The following NIPSNAP3B variants were observed in gnomAD, a reference collection of about 807,000 sequenced individuals.
NIPSNAP3B encodes nipsnap homolog 3B, also known as protein NipSnap homolog 3B.
A neutral mutation model predicts 31.5 loss-of-function variants in NIPSNAP3B; 30 were observed. That is an observed-to-expected ratio of 0.95 (90% confidence interval 0.71 to 1.29). NIPSNAP3B has a LOEUF of 1.29. Ranked by LOEUF, NIPSNAP3B falls within the 50% of genes most tolerant of loss-of-function variation. The pLI is 0.00. For missense variants in NIPSNAP3B, 269 were observed against 300.7 expected (o/e 0.89, Z 0.78); for synonymous variants, 106 against 107.9 (o/e 0.98, Z 0.11).
rs1828332296 is a variant in NIPSNAP3B, at chr9:104,776,160, T to G, written c.*3087T>G. ...TGATCTGTCCTGTTACATTTTCCAC[T>G]CTCGCTCCAGACCTGACCTAAGAGG... On this transcript the variant is annotated 3_prime_UTR_variant, in exon 6 of 6. Coordinates refer to ENST00000374762, the MANE Select transcript of NIPSNAP3B (RefSeq NM_018376.4). Among the ~76,000 whole-genome samples the G allele has an allele frequency of 6.6e-6, 1 of 152,172 alleles. No homozygotes were observed. Among genetic ancestry groups the G allele is most frequent in the South Asian group, 2.1e-4 (1 of 4,826 alleles).
the NIPSNAP3B span, chr9:104,786,523 A>G: frequency 8.4e-6 from 7 of 829,800 alleles, no homozygotes; most frequent in Non-Finnish European, 1.4e-5. Flanking sequence ...TATAGGGATG[A>G]TGCTGTTCAG....
chr9:104,785,119 C>T, the NIPSNAP3B span, among the ~76,000 whole-genome samples: 3 of 152,150 alleles, frequency 2.0e-5, no homozygotes, highest in African/African-American at 7.2e-5. Flanking sequence ...TAGGATTAGG[C>T]ACCAAGTAAA....
the NIPSNAP3B span, chr9:104,788,073 C>A: frequency 6.2e-7 from 1 of 1,613,584 alleles, no homozygotes; most frequent in Non-Finnish European, 8.5e-7. Flanking sequence ...ATAAAAAGCA[C>A]CTTGACTTTG....
chr9:104,781,978 G>C (rs1250072782), downstream of NIPSNAP3B: 1 of 152,096 alleles, frequency 6.6e-6, no homozygotes, highest in African/African-American at 2.4e-5. Flanking sequence ...CTTCAGAAGA[G>C]GTCCTTTCAA....
chr9:104,788,498 C>T, the NIPSNAP3B span: 5 of 1,614,186 alleles, frequency 3.1e-6, no homozygotes, highest in Non-Finnish European at 3.4e-6. Flanking sequence ...CAGTCAACAG[C>T]TCTGTGATGG....
chr9:104,787,290 C>T, the NIPSNAP3B span, among the ~76,000 whole-genome samples: 1 of 151,404 alleles, frequency 6.6e-6, no homozygotes, highest in Non-Finnish European at 1.5e-5. Flanking sequence ...TAAGTATATA[C>T]AAAACAACTT....
At chr9:104,785,618 T>C in the NIPSNAP3B span, 1 of 1,613,950 alleles carries the variant, frequency 6.2e-7, no homozygotes, top group African/African-American at 1.3e-5. Context: ...TTCGTACAAC[T>C]ATTGTATAAC....
Position 104,773,210 on chromosome 9 carries a change from C to T in NIPSNAP3B, c.*137C>T. The T allele has an allele frequency of 1.2e-6, 1 of 821,220 alleles. No individual in the cohort carries two copies. 50.9% of individuals were successfully genotyped at this position (821,220 alleles called of 1,614,324 possible). A position where few individuals can be genotyped will look rare whatever the true frequency, so the allele number is the denominator to read the frequency against. The stretch of plus-strand genomic sequence containing the variant: ...ATTAGTTAATTTGCTGTGCTTCTTG[C>T]ATTTTTGAAAGTTACATATTCTCCA... On this transcript the variant is annotated 3_prime_UTR_variant, in exon 6 of 6. Coordinates refer to ENST00000374762, the MANE Select transcript of NIPSNAP3B (RefSeq NM_018376.4).
the NIPSNAP3B span, chr9:104,784,501 C>T: frequency 1.6e-5 from 26 of 1,611,746 alleles, no homozygotes; most frequent in East Asian, 8.9e-5. Context: ...ACTCAACTTG[C>T]TCATTCTTTA....
chr9:104,785,340 T>A, the NIPSNAP3B span: 1 of 1,608,588 alleles, frequency 6.2e-7, no homozygotes, highest in Non-Finnish European at 8.5e-7. Context: ...GGCGGGAGTG[T>A]CGGGGCAGGA....
At chr9:104,786,250 A>G in the NIPSNAP3B span, 1 of 1,435,672 alleles carries the variant, frequency 7.0e-7, no homozygotes, top group Non-Finnish European at 9.8e-7. Context: ...AAGAATAAAT[A>G]TCAAGCCTTC....
the NIPSNAP3B span, chr9:104,785,517 A>G: frequency 6.2e-7 from 1 of 1,614,196 alleles, no homozygotes; most frequent in South Asian, 1.1e-5. Context: ...GTATTGTAGC[A>G]TGTTCCGGTG....
At chr9:104,790,798 T>C in the NIPSNAP3B span, 1 of 715,358 alleles carries the variant, frequency 1.4e-6, no homozygotes, top group African/African-American at 1.8e-5. Flanking sequence ...CTTTACCCTT[T>C]ACTATATTTC....
intron 1 of NIPSNAP3B, 127 bp downstream of exon 1, chr9:104,764,427 C>A: frequency 1.3e-6 from 1 of 749,284 alleles, no homozygotes; most frequent in Non-Finnish European, 2.0e-6. Context: ...CGCCGAAGTT[C>A]TAACGCGGTC....
At position 104,773,401 on chromosome 9, in the gene NIPSNAP3B, TA is replaced by T. The variant is rs1421333049; in HGVS notation, c.*330del. 1 of 189,538 alleles carries T rather than the reference TA, an allele frequency of 5.3e-6. No individual in the cohort carries two copies. Among genetic ancestry groups the T allele is most frequent in the African/African-American group, 2.3e-5 (1 of 42,616 alleles). The allele number at this position is 189,538 out of a possible 1,614,324, so 11.7% of individuals were successfully genotyped here. A position where few individuals can be genotyped will look rare whatever the true frequency, so the allele number is the denominator to read the frequency against. ...TTTATAGCATTTTCTTTTACTCAAA[TA>T]AGGATTTTACATTTCCTTGCCTGAC... is the stretch of plus-strand genomic sequence containing the variant. On this transcript the variant is annotated 3_prime_UTR_variant, in exon 6 of 6. Coordinates refer to ENST00000374762, the MANE Select transcript of NIPSNAP3B (RefSeq NM_018376.4).
At chr9:104,782,417 TTC>T (rs1397632703), downstream of NIPSNAP3B, 1 of 152,104 alleles carries the variant, frequency 6.6e-6, no homozygotes, top group Admixed American at 6.5e-5. Flanking sequence ...AATATTCAAA[TTC>T]TGGAAAAAGT....
At position 104,775,395 on chromosome 9, in the gene NIPSNAP3B, T is replaced by C. The variant is rs567483918; in HGVS notation, c.*2322T>C. Among the ~76,000 whole-genome samples the C allele has an allele frequency of 1.1e-4, 16 of 152,210 alleles. No homozygotes were observed. Among genetic ancestry groups the C allele is most frequent in the African/African-American group, 3.9e-4 (16 of 41,544 alleles). On this transcript the variant is annotated 3_prime_UTR_variant, in exon 6 of 6. Coordinates refer to ENST00000374762, the MANE Select transcript of NIPSNAP3B (RefSeq NM_018376.4). Reference sequence around the variant, plus strand: ...TGTTAGCAGTTGACCTCTCCTTTCTTCTGGGAAGTTTCTTCGTTTCTCCGA... The same window carrying C: ...TGTTAGCAGTTGACCTCTCCTTTCTCCTGGGAAGTTTCTTCGTTTCTCCGA...
chr9:104,770,283 T>G lies in NIPSNAP3B; in HGVS notation c.431-566T>G, dbSNP rs1429238768. Among the ~76,000 whole-genome samples, 4 of 152,306 alleles carry G rather than the reference T, an allele frequency of 2.6e-5. No homozygotes were observed. The East Asian group carries it at 7.7e-4, about 29-fold the overall frequency. Reference sequence around the variant, plus strand: ...AGAAGGTAGAATGGTTTTTAAGCATTTACCTGGATATTTAGGAAGAATAAA... The same window carrying G: ...AGAAGGTAGAATGGTTTTTAAGCATGTACCTGGATATTTAGGAAGAATAAA... On this transcript the variant is annotated intron_variant, in intron 3 of 5. Transcript: ENST00000374762.
intron 4 of NIPSNAP3B, among the ~76,000 whole-genome samples, chr9:104,772,491 A>G (rs1828245671): frequency 6.6e-6 from 1 of 152,040 alleles, no homozygotes; most frequent in South Asian, 2.1e-4. Context: ...TTTTCTTTGT[A>G]TCACCTAAAT....
Sources: allele counts gnomAD v4.1 joint callset (sites outside exome capture counted in the v4.1 genomes callset), GRCh38; gene constraint gnomAD v4.1.1; transcripts MANE v1.5; gene names NCBI Gene and HGNC (gene_info 2026-07-23, HGNC 2026-07-21).